CELF2: variants seen among roughly 807,000 people sequenced by gnomAD.
The protein encoded by CELF2 is CUG triplet repeat RNA-binding protein 2.
Under a neutral mutation model 62.6 loss-of-function variants are expected in CELF2, and 8 were observed. The ratio of observed to expected loss-of-function variants is 0.13; its 90% CI spans 0.07 to 0.23. The LOEUF (loss-of-function observed/expected upper bound fraction) is 0.23. Ranked by LOEUF, CELF2 falls within the 10% of genes least tolerant of loss-of-function variation. The probability of loss-of-function intolerance (pLI) is 1.00; values close to 1 mark genes in which losing one functional copy is unlikely to be tolerated. For synonymous variants in CELF2, 258 were observed against 250.0 expected, an observed-to-expected ratio of 1.03 and a Z score of -0.30; for missense variants, 333 against 671.0, an observed-to-expected ratio of 0.50 and a Z score of 5.56.
At chr10:11,289,609 G>A (rs2092163613) in intron 9 of CELF2, among the ~76,000 whole-genome samples, 1 of 152,210 alleles carries the variant, frequency 6.6e-6, no homozygotes, top group South Asian at 2.1e-4. Context: ...GGAGAAGCTG[G>A]TGGATTTCCC....
the CELF2 span, among the ~76,000 whole-genome samples, chr10:10,603,828 CTT>C: frequency 6.6e-6 from 1 of 151,638 alleles, no homozygotes; most frequent in Non-Finnish European, 1.5e-5. Context: ...GAAAAGTAAA[CTT>C]TAACTTATAA....
At chr10:10,673,786 T>A in the CELF2 span, among the ~76,000 whole-genome samples, 1 of 152,200 alleles carries the variant, frequency 6.6e-6, no homozygotes, top group Non-Finnish European at 1.5e-5. Flanking sequence ...TGGACCTATA[T>A]GTTTTATAGA....
At chr10:10,550,990 G>T in the CELF2 span, among the ~76,000 whole-genome samples, 2 of 152,140 alleles carry the variant, frequency 1.3e-5, no homozygotes, top group African/African-American at 4.8e-5. Flanking sequence ...GAGCCACCAC[G>T]CCCAGCTGCC....
At chr10:11,087,943 CTGTT>C (rs1323739043) in intron 1 of CELF2, among the ~76,000 whole-genome samples, 1 of 152,238 alleles carries the variant, frequency 6.6e-6, no homozygotes, top group Non-Finnish European at 1.5e-5. Context: ...AGATGATTAA[CTGTT>C]TTCCTGCCAA....
At chr10:10,564,877 A>G in the CELF2 span, among the ~76,000 whole-genome samples, 1 of 152,144 alleles carries the variant, frequency 6.6e-6, no homozygotes, top group Non-Finnish European at 1.5e-5. Context: ...ACAAATAAAA[A>G]GGCTCCCAGT....
At chr10:11,233,647 C>T (rs1402963082) in intron 3 of CELF2, among the ~76,000 whole-genome samples, 1 of 152,178 alleles carries the variant, frequency 6.6e-6, no homozygotes, top group Non-Finnish European at 1.5e-5. Context: ...GGTGGGTCAG[C>T]CAAAGCCAAA....
At chr10:11,051,729 T>C (rs1172329357) in intron 1 of CELF2, among the ~76,000 whole-genome samples, 1 of 152,148 alleles carries the variant, frequency 6.6e-6, no homozygotes, top group Non-Finnish European at 1.5e-5. Context: ...CCGATTTGAC[T>C]GGTGGTAAAG....
At chr10:11,186,092 G>A (rs1463045308) in intron 2 of CELF2, among the ~76,000 whole-genome samples, 8 of 152,102 alleles carry the variant, frequency 5.3e-5, no homozygotes, top group Admixed American at 1.3e-4. Flanking sequence ...TTTACCCTAC[G>A]TGGTCAAGTT....
chr10:10,703,674 G>C, the CELF2 span, among the ~76,000 whole-genome samples: 1 of 152,218 alleles, frequency 6.6e-6, no homozygotes, highest in Non-Finnish European at 1.5e-5. Context: ...AACATGAATA[G>C]AAGGGAGAGG....
chr10:11,088,285 T>C (rs1291500658), intron 1 of CELF2, among the ~76,000 whole-genome samples: 1 of 152,192 alleles, frequency 6.6e-6, no homozygotes, highest in Non-Finnish European at 1.5e-5. Context: ...GAGTGAGGCA[T>C]ATGCGTAGAA....
the CELF2 span, among the ~76,000 whole-genome samples, chr10:10,651,795 A>G: frequency 2.8e-4 from 42 of 151,974 alleles, no homozygotes; most frequent in Non-Finnish European, 4.6e-4. Flanking sequence ...AAAAACTGGA[A>G]ACTCTAAAAA....
intron 1 of CELF2, among the ~76,000 whole-genome samples, chr10:11,077,862 A>G (rs771747985): frequency 6.6e-6 from 1 of 152,192 alleles, no homozygotes; most frequent in Non-Finnish European, 1.5e-5. Flanking sequence ...AAAAATATGT[A>G]GGACAAAGAC....
At chr10:10,910,699 C>A (rs1216875169) in intron 1 of CELF2, among the ~76,000 whole-genome samples, 626 of 92,080 alleles carry the variant, frequency 6.8e-3, no homozygotes, top group Non-Finnish European at 8.5e-3. Flanking sequence ...GACTCTGCCT[C>A]AAAAAAAAAA....
At chr10:11,199,973 G>C in intron 2 of CELF2, among the ~76,000 whole-genome samples, 1 of 152,236 alleles carries the variant, frequency 6.6e-6, no homozygotes, top group East Asian at 1.9e-4. Context: ...ACAAAACTGG[G>C]TCGTGGCAGG....
chr10:11,176,658 T>C (rs2133870029), intron 2 of CELF2, among the ~76,000 whole-genome samples: 1 of 152,304 alleles, frequency 6.6e-6, no homozygotes, highest in Admixed American at 6.5e-5. Context: ...GGCTGCTAGG[T>C]AGTGTAGACT....
upstream of CELF2, among the ~76,000 whole-genome samples, chr10:11,003,828 A>C (rs2054768772): frequency 6.6e-6 from 1 of 152,198 alleles, no homozygotes; most frequent in African/African-American, 2.4e-5. This position sits in a 1 kb window ranked among gnomAD's most constrained non-coding sequence, Gnocchi z 4.4. Context: ...ATATGTTAGA[A>C]TGAAGCAAGA....
intron 2 of CELF2, among the ~76,000 whole-genome samples, chr10:11,199,746 T>C (rs141375981): frequency 6.6e-6 from 1 of 152,246 alleles, no homozygotes; most frequent in African/African-American, 2.4e-5. Context: ...ATTTTTTTTA[T>C]TCTATGCAAA....
At chr10:10,725,596 A>G in the CELF2 span, among the ~76,000 whole-genome samples, 1 of 152,192 alleles carries the variant, frequency 6.6e-6, no homozygotes, top group African/African-American at 2.4e-5. Context: ...TGGAACAAGC[A>G]GAGGCTGAGA....
the CELF2 span, among the ~76,000 whole-genome samples, chr10:10,523,418 G>T: frequency 7.2e-5 from 11 of 152,244 alleles, no homozygotes; most frequent in African/African-American, 2.6e-4. Flanking sequence ...AACTTTTATT[G>T]TATTAACAGT....
Sources: allele counts gnomAD v4.1 joint callset (sites outside exome capture counted in the v4.1 genomes callset), GRCh38; gene constraint gnomAD v4.1.1; non-coding constraint Gnocchi (gnomAD v3.1); transcripts MANE v1.5; gene names NCBI Gene and HGNC (gene_info 2026-07-23, HGNC 2026-07-21).